C3orf20: variants seen among roughly 807,000 people sequenced by gnomAD.
C3orf20 encodes uncharacterized protein C3orf20.
A neutral mutation model predicts 88.3 loss-of-function variants in C3orf20; 76 were observed. The observed-to-expected ratio is 0.86, with a 90% CI of 0.72 to 1.04. The LOEUF (loss-of-function observed/expected upper bound fraction) is 1.04. C3orf20 is among the 50% of genes least tolerant of loss of function. C3orf20 has a pLI of 0.00. For missense variants in C3orf20, 1,056 were observed against 1,123.3 expected (o/e 0.94, Z 0.86); for synonymous variants, 436 against 437.4 (o/e 1.00, Z 0.04).
rs149953024 is a variant in C3orf20, at chr3:14,721,611, G to A, written c.1435-42G>A. ...GGGTCAGGAAGGGGTGGCTGGGGCC[G>A]TTGAAGCAGGGATTCTCTGAGTACT... On this transcript the variant is annotated intron_variant, in intron 9 of 16. Transcript: ENST00000253697. The A allele has an allele frequency of 9.9e-4, 1,593 of 1,606,662 alleles. 13 individuals are homozygous for A. The African/African-American group carries it at 0.018, about 18-fold the overall frequency.
Position 14,757,636 on chromosome 3 carries a change from A to G in C3orf20, c.2206A>G (p.Asn736Asp), listed in dbSNP as rs144249115. The change falls in exon 13 of 17, where the codon AAC becomes GAC. Residue 736 changes from asparagine to aspartate, a missense_variant. Transcript: ENST00000253697. The part of the protein sequence containing the change: ...QLQWLLNTLY[N>D]HQQRGRGSPC... ...CCAGTGGCTGCTGAACACTCTCTAC[A>G]ACCACCAGCAGCGGGGCCGTGGCTC... is the stretch of plus-strand genomic sequence containing the variant. 1,654 of 1,612,142 alleles carry G rather than the reference A, an allele frequency of 1.0e-3. 11 individuals are homozygous for G. The highest frequency in any genetic ancestry group is 7.7e-3 in the East Asian group (346 of 44,800).
At chr3:14,760,074 T>C in intron 14 of C3orf20, 76 bp downstream of exon 14, 4 of 1,089,088 alleles carry the variant, frequency 3.7e-6, no homozygotes, top group Non-Finnish European at 5.7e-6. Context: ...GAATCACACA[T>C]GTGGGAGGAG....
rs1025190972 is a variant in C3orf20, at chr3:14,768,762, A to G, written c.2496-3305A>G. Among the ~76,000 whole-genome samples the G allele has an allele frequency of 6.6e-6, 1 of 152,016 alleles. No homozygotes were observed. The highest frequency in any genetic ancestry group is 1.5e-5 in the Non-Finnish European group (1 of 68,030). On this transcript the variant is annotated intron_variant, in intron 15 of 16. Coordinates refer to ENST00000253697, the MANE Select transcript of C3orf20 (RefSeq NM_032137.5). This position sits in a 1 kb window ranked among gnomAD's most constrained non-coding sequence, Gnocchi z 4.1. ...AATACCATGGGGAGGTGGGCTCCAC[A>G]CCCGACAAGGGCCTGTTCTTGTGGA...
At chr3:14,715,102 C>T (rs561764054) in intron 8 of C3orf20, among the ~76,000 whole-genome samples, 187 bp from the exon 9 acceptor site, 8 of 152,180 alleles carry the variant, frequency 5.3e-5, no homozygotes, top group African/African-American at 7.2e-5. Flanking sequence ...TAGGCTCCTC[C>T]GGTAGCATCA....
intron 12 of C3orf20, among the ~76,000 whole-genome samples, chr3:14,748,913 A>C (rs77040578): frequency 1.4e-3 from 219 of 152,272 alleles, no homozygotes; most frequent in African/African-American, 5.1e-3. Flanking sequence ...ATAGAGAAGA[A>C]TGTGTGTTTT....
intron 1 of C3orf20, among the ~76,000 whole-genome samples, chr3:14,681,401 C>T (rs1378459967): frequency 6.6e-6 from 1 of 152,130 alleles, no homozygotes; most frequent in African/African-American, 2.4e-5. Context: ...AAAAGGTGGT[C>T]GAAGAGATGG....
At chr3:14,740,750 T>C (rs1355567814) in intron 12 of C3orf20, among the ~76,000 whole-genome samples, 1 of 152,208 alleles carries the variant, frequency 6.6e-6, no homozygotes, top group Admixed American at 6.5e-5. Context: ...TCCAATTTAC[T>C]CATGCTTTTT....
At chr3:14,716,115 A>T (rs994918751) in intron 9 of C3orf20, among the ~76,000 whole-genome samples, 1 of 152,182 alleles carries the variant, frequency 6.6e-6, no homozygotes, top group Admixed American at 6.5e-5. Context: ...ATCCCACTAG[A>T]TTCCAGTAGT....
At chr3:14,699,060 G>C (rs1026894900) in intron 5 of C3orf20, among the ~76,000 whole-genome samples, 1 of 152,076 alleles carries the variant, frequency 6.6e-6, no homozygotes, top group African/African-American at 2.4e-5. Flanking sequence ...CCACCACCAG[G>C]TCCATGGGGA....
intron 12 of C3orf20, among the ~76,000 whole-genome samples, chr3:14,746,966 C>T (rs1385646206): frequency 6.6e-6 from 1 of 152,128 alleles, no homozygotes; most frequent in Non-Finnish European, 1.5e-5. Flanking sequence ...ATTAACTAAA[C>T]AAATCAAAGG....
chr3:14,705,551 T>G (rs1284514753), intron 7 of C3orf20, among the ~76,000 whole-genome samples: 1 of 152,086 alleles, frequency 6.6e-6, no homozygotes, highest in African/African-American at 2.4e-5. Flanking sequence ...TGAATTTGGG[T>G]GGTAAAAGCA....
At chr3:14,681,343 T>TA (rs1207659525) in intron 1 of C3orf20, among the ~76,000 whole-genome samples, 1 of 152,180 alleles carries the variant, frequency 6.6e-6, no homozygotes, top group Admixed American at 6.5e-5. Context: ...GAGCATTGTC[T>TA]AGTGGAAAAG....
intron 12 of C3orf20, among the ~76,000 whole-genome samples, chr3:14,738,815 G>GTTTTTTTTT (rs71038433): frequency 3.1e-5 from 3 of 97,766 alleles, no homozygotes; most frequent in African/African-American, 7.2e-5. Context: ...TAATTTTTTT[G>GTTTTTTTTT]TTTTTTTTTT....
intron 5 of C3orf20, among the ~76,000 whole-genome samples, chr3:14,700,684 G>T (rs535591853): frequency 1.8e-4 from 28 of 152,336 alleles, no homozygotes; most frequent in African/African-American, 6.7e-4. Flanking sequence ...TAGGAATTAG[G>T]CTGACACATG....
chr3:14,712,643 A>G (rs1178600326), intron 7 of C3orf20, among the ~76,000 whole-genome samples: 1 of 152,192 alleles, frequency 6.6e-6, no homozygotes, highest in Non-Finnish European at 1.5e-5. Flanking sequence ...TTACTGTTTT[A>G]TGCATTTATC....
In C3orf20 at chr3:14,696,621, G is replaced by T. The variant is rs575003961; in HGVS notation, c.745+6505G>T. Among the ~76,000 whole-genome samples, 9 of 151,808 alleles carry T rather than the reference G, an allele frequency of 5.9e-5. No homozygotes were observed. In the South Asian group the frequency reaches 1.9e-3, roughly 32 times the overall value. On this transcript the variant is annotated intron_variant, in intron 5 of 16. Coordinates refer to ENST00000253697, the MANE Select transcript of C3orf20 (RefSeq NM_032137.5). ...TCGAACTCCTGACCTCAAGTGATCT[G>T]CCTGCCTCGGCCTCCCAGAGTGCTG...
In C3orf20 at chr3:14,768,861, C is replaced by G. The variant is rs545591468; in HGVS notation, c.2496-3206C>G. On this transcript the variant is annotated intron_variant, in intron 15 of 16. Coordinates refer to ENST00000253697, the MANE Select transcript of C3orf20 (RefSeq NM_032137.5). The surrounding 1 kb of genome is among the most constrained non-coding windows in gnomAD (Gnocchi z 4.1). Reference sequence around the variant, plus strand: ...AGGGACTGGCCTGTTGCAAAGCCCCCGATGGTCTTTTTTGCTTATCCCTGA... The same window carrying G: ...AGGGACTGGCCTGTTGCAAAGCCCCGGATGGTCTTTTTTGCTTATCCCTGA... Among the ~76,000 whole-genome samples, 1 of 151,932 alleles carries G rather than the reference C, an allele frequency of 6.6e-6. No individual in the cohort carries two copies. Among genetic ancestry groups the G allele is most frequent in the Non-Finnish European group, 1.5e-5 (1 of 68,012 alleles).
chr3:14,757,306 G>T, intron 12 of C3orf20, 65 bp from the exon 13 acceptor site: 1 of 1,402,436 alleles, frequency 7.1e-7, no homozygotes, highest in Non-Finnish European at 9.7e-7. Context: ...GAGCCAGGGG[G>T]CTCTGGGAAC....
rs76498034 is a variant in C3orf20 at position 14,754,529 on chromosome 3, C to A, written c.1941-2842C>A. Among the ~76,000 whole-genome samples the A allele has an allele frequency of 9.6e-3, 1,465 of 152,304 alleles. 25 individuals are homozygous for A. The highest frequency in any genetic ancestry group is 0.034 in the African/African-American group (1,398 of 41,556). ...CTTACCAAAATTTAGCAGCATCTTT[C>A]TTAATTAAGCATTCCTCTGGTTGTT... On this transcript the variant is annotated intron_variant, in intron 12 of 16. Transcript: ENST00000253697.
Sources: gnomAD v4.1 joint callset for allele counts (sites outside exome capture counted in the v4.1 genomes callset) on GRCh38, gnomAD v4.1.1 for gene constraint, Gnocchi (gnomAD v3.1) non-coding constraint, MANE v1.5 for transcripts, NCBI Gene and HGNC (gene_info 2026-07-23, HGNC 2026-07-21) for gene names.